SP8: variants seen among roughly 807,000 people sequenced by gnomAD.
SP8 encodes the protein Sp8 transcription factor.
Under a neutral mutation model 15.3 loss-of-function variants are expected in SP8, and 7 were observed. The observed-to-expected ratio is 0.46, with a 90% CI of 0.26 to 0.86. The LOEUF (loss-of-function observed/expected upper bound fraction) is 0.86, where lower values mean the gene tolerates loss of function less well. SP8 is among the 40% of genes least tolerant of loss of function. The pLI, the probability that SP8 is intolerant of heterozygous loss-of-function variation, is 0.16. For missense variants in SP8, 731 were observed against 736.4 expected (o/e 0.99, Z 0.09); for synonymous variants, 415 against 356.3 (o/e 1.16, Z -1.86).
chr7:20,783,245 G>C lies in SP8; in HGVS notation c.*1045C>G, dbSNP rs1170802367. On this transcript the variant is annotated 3_prime_UTR_variant, in exon 2 of 2. Transcript: ENST00000418710. ...AAAAAGATTGGGAGGTTATGTTTGGGAGTGGTGAAAAAACGAGGTAGAAAA... is the reference window on the plus strand; with the variant it reads ...AAAAAGATTGGGAGGTTATGTTTGGCAGTGGTGAAAAAACGAGGTAGAAAA... The C allele has an allele frequency of 1.3e-5, 2 of 152,552 alleles. No homozygotes were observed. Among genetic ancestry groups the C allele is most frequent in the Non-Finnish European group, 2.9e-5 (2 of 68,030 alleles). The allele number at this position is 152,552 out of a possible 1,614,324, so 9.4% of individuals were successfully genotyped here. A position where few individuals can be genotyped will look rare whatever the true frequency, so the allele number is the denominator to read the frequency against.
At position 20,784,812 on chromosome 7, in the gene SP8, G is replaced by A. The variant is rs1197257333; in HGVS notation, c.1005C>T (p.Gly335=). The change falls in exon 2 of 2, where the codon GGC becomes GGT. Residue 335 remains glycine, a synonymous_variant. Transcript: ENST00000418710. ...AGCGGCGAGCTGAGGAGCGCGGGGA[G>A]CCCCCCAGCGGCGCCGAAGGCCCAG... ...LSAGPSAPLG[G]SPRSSARRYS... 1.3e-5 allele frequency: 20 copies of A among 1,527,884 alleles called. No individual in the cohort carries two copies. Among genetic ancestry groups the A allele is most frequent in the Non-Finnish European group, 1.7e-5 (20 of 1,144,148 alleles). 94.6% of individuals were successfully genotyped at this position (1,527,884 alleles called of 1,614,324 possible).
In SP8 at chr7:20,784,264, G is replaced by A; in HGVS notation, c.*26C>T. ...AGAGGACTTGGTGGGAGGAGGTCGGGGAGAGGGGCGGGCGCAGGGTGGGCG... is the reference window on the plus strand; with the variant it reads ...AGAGGACTTGGTGGGAGGAGGTCGGAGAGAGGGGCGGGCGCAGGGTGGGCG... On this transcript the variant is annotated 3_prime_UTR_variant, in exon 2 of 2. Coordinates refer to ENST00000418710, the MANE Select transcript of SP8 (RefSeq NM_182700.6). The A allele has an allele frequency of 1.4e-6, 2 of 1,442,688 alleles. No individual in the cohort carries two copies. The highest frequency in any genetic ancestry group is 1.8e-6 in the Non-Finnish European group (2 of 1,102,904). 89.4% of individuals were successfully genotyped at this position (1,442,688 alleles called of 1,614,324 possible).
chr7:20,785,634 G>A lies in SP8; in HGVS notation c.183C>T (p.Ser61=). 1 of 1,613,572 alleles carries A rather than the reference G, an allele frequency of 6.2e-7. No homozygotes were observed. The highest frequency in any genetic ancestry group is 8.5e-7 in the Non-Finnish European group (1 of 1,179,858). Reference sequence around the variant, plus strand: ...AGAGACTGGAACCCACTACGTTGCAGCTGGCGGAAGAAGAGGACGAGGAGC... The same window carrying A: ...AGAGACTGGAACCCACTACGTTGCAACTGGCGGAAGAAGAGGACGAGGAGC... ...WKRSSSSSSA[S]CNVVGSSLSS... The change falls in exon 2 of 2, where the codon AGC becomes AGT. Residue 61 remains serine (S), a synonymous_variant. Coordinates refer to ENST00000418710, the MANE Select transcript of SP8 (RefSeq NM_182700.6). The surrounding 1 kb of genome is among the most constrained non-coding windows in gnomAD (Gnocchi z 7.2).
Position 20,785,558 on chromosome 7 carries a change from C to T in SP8, c.259G>A (p.Ala87Thr). The change falls in exon 2 of 2, where the codon GCT becomes ACT. Residue 87 changes from alanine to threonine, a missense_variant. Around this residue, in one of 3 missense-constraint regions of SP8, gnomAD observed 586 missense variants for 524.9 expected, o/e 1.12. Coordinates refer to ENST00000418710, the MANE Select transcript of SP8 (RefSeq NM_182700.6). This position sits in a 1 kb window ranked among gnomAD's most constrained non-coding sequence, Gnocchi z 7.2. ...GCGGCTGCTGCCGCGGCCGCCGCAG[C>T]CGCCGAGGACGAGCCGCCGTTCCTG... is the stretch of plus-strand genomic sequence containing the variant. ...ASRNGGSSSA[A>T]AAAAAAAAAA... 6.4e-7 allele frequency: 1 copy of T among 1,566,262 alleles called. No individual in the cohort carries two copies. Among genetic ancestry groups the T allele is most frequent in the South Asian group, 1.2e-5 (1 of 86,772 alleles).
Position 20,784,686 on chromosome 7 carries a change from G to A in SP8, c.1131C>T (p.His377=). The change falls in exon 2 of 2, where the codon CAC becomes CAT. Residue 377 remains histidine (H), a synonymous_variant. Coordinates refer to ENST00000418710, the MANE Select transcript of SP8 (RefSeq NM_182700.6). ...SLRRKGLHSC[H]IPGCGKVYGK... ...CGTACACCTTGCCGCAGCCCGGGAT[G>A]TGGCAGCTGTGCAGGCCCTTGCGCC... The A allele has an allele frequency of 6.2e-7, 1 of 1,608,192 alleles. No individual in the cohort carries two copies. Among genetic ancestry groups the A allele is most frequent in the Non-Finnish European group, 8.5e-7 (1 of 1,178,648 alleles).
In SP8 at chr7:20,785,334, G is replaced by GAGTCGGACA; in HGVS notation, c.482_483insTGTCCGACT (p.Gly161_Gly162insValArgLeu). ...AGTGCGCGGAGGAGCCGCCGCCGCCGCCCCCGCCGCCGCCGCCGCTGCCCC... is the reference window on the plus strand; with the variant it reads ...AGTGCGCGGAGGAGCCGCCGCCGCCGAGTCGGACACCCCCGCCGCCGCCGCCGCTGCCCC... On this transcript the variant is annotated inframe_insertion, in exon 2 of 2. Coordinates refer to ENST00000418710, the MANE Select transcript of SP8 (RefSeq NM_182700.6). The surrounding 1 kb of genome is among the most constrained non-coding windows in gnomAD (Gnocchi z 7.2). The GAGTCGGACA allele has an allele frequency of 1.5e-6, 2 of 1,324,616 alleles. No individual in the cohort carries two copies. Among genetic ancestry groups the GAGTCGGACA allele is most frequent in the Non-Finnish European group, 1.0e-6 (1 of 982,370 alleles). The allele number at this position is 1,324,616 out of a possible 1,614,324, so 82.1% of individuals were successfully genotyped here.
Position 20,784,846 on chromosome 7 carries a change from A to G in SP8, c.971T>C (p.Met324Thr). The G allele has an allele frequency of 6.6e-7, 1 of 1,525,798 alleles. No individual in the cohort carries two copies. The allele number at this position is 1,525,798 out of a possible 1,614,324, so 94.5% of individuals were successfully genotyped here. A position where few individuals can be genotyped will look rare whatever the true frequency, so the allele number is the denominator to read the frequency against. The change falls in exon 2 of 2, where the codon ATG (methionine) becomes ACG (threonine). Residue 324 changes from methionine (M) to threonine (T), a missense_variant. Coordinates refer to ENST00000418710, the MANE Select transcript of SP8 (RefSeq NM_182700.6). Reference sequence around the variant, plus strand: ...CGGCGCCGAAGGCCCAGCGCTCAACATGGAGCCCCCCGCGCCGGCCAGCGG... The same window carrying G: ...CGGCGCCGAAGGCCCAGCGCTCAACGTGGAGCCCCCCGCGCCGGCCAGCGG... ...PSPLAGAGGS[M>T]LSAGPSAPLG...
At position 20,785,199 on chromosome 7, in the gene SP8, C is replaced by G. The variant is rs1335463860; in HGVS notation, c.618G>C (p.Trp206Cys). Reference protein sequence around the residue: ...RVGMAHPYESWFKPSHPGLGA... With the variant: ...RVGMAHPYESCFKPSHPGLGA... ...CCAGGCCCGGGTGCGAGGGCTTAAA[C>G]CACGACTCGTACGGGTGCGCCATGC... Residue 206 changes from tryptophan (W) to cysteine (C), a missense_variant, in exon 2 of 2, where the codon TGG (tryptophan) becomes TGC (cysteine). Transcript: ENST00000418710. This position sits in a 1 kb window ranked among gnomAD's most constrained non-coding sequence, Gnocchi z 7.2. 3 of 1,601,172 alleles carry G rather than the reference C, an allele frequency of 1.9e-6. No homozygotes were observed. The highest frequency in any genetic ancestry group is 2.6e-6 in the Non-Finnish European group (3 of 1,175,364).
Position 20,786,117 on chromosome 7 carries a change from A to G in SP8, c.22-322T>C. On this transcript the variant is annotated intron_variant, in intron 1 of 1. Coordinates refer to ENST00000418710, the MANE Select transcript of SP8 (RefSeq NM_182700.6). This position sits in a 1 kb window ranked among gnomAD's most constrained non-coding sequence, Gnocchi z 4.4. ...CACACAAAGCCCCAGACACTTCGTA[A>G]CAAACAAGCAAAAAGTCCAGATTGG... 1 of 887,454 alleles carries G rather than the reference A, an allele frequency of 1.1e-6. No individual in the cohort carries two copies. The highest frequency in any genetic ancestry group is 5.8e-5 in the East Asian group (1 of 17,106). The allele number at this position is 887,454 out of a possible 1,614,324, so 55.0% of individuals were successfully genotyped here.
chr7:20,784,220 T>G lies in SP8; in HGVS notation c.*70A>C. The G allele has an allele frequency of 7.7e-7, 1 of 1,306,184 alleles. No individual in the cohort carries two copies. The highest frequency in any genetic ancestry group is 9.9e-7 in the Non-Finnish European group (1 of 1,011,440). The allele number at this position is 1,306,184 out of a possible 1,614,324, so 80.9% of individuals were successfully genotyped here. ...CAATAGGGAAAGGCTGGAGTTGAAG[T>G]CCGGACAGACAGGGCCCAAGAGGAC... On this transcript the variant is annotated 3_prime_UTR_variant, in exon 2 of 2. Coordinates refer to ENST00000418710, the MANE Select transcript of SP8 (RefSeq NM_182700.6).
In SP8 at chr7:20,786,155, T is replaced by A; in HGVS notation, c.22-360A>T. 4.2e-6 allele frequency: 2 copies of A among 476,930 alleles called. No homozygotes were observed. Among genetic ancestry groups the A allele is most frequent in the Non-Finnish European group, 5.7e-6 (2 of 349,750 alleles). 29.5% of individuals were successfully genotyped at this position (476,930 alleles called of 1,614,324 possible). On this transcript the variant is annotated intron_variant, in intron 1 of 1. Transcript: ENST00000418710. This position sits in a 1 kb window ranked among gnomAD's most constrained non-coding sequence, Gnocchi z 4.4. The stretch of plus-strand genomic sequence containing the variant: ...AAGTCCAGATTGGAGAGGAAGGAAG[T>A]TTTCTTTGCCGAGAAGCCTGGGGGA...
Position 20,785,505 on chromosome 7 carries a change from C to A in SP8, c.312G>T (p.Ser104=), listed in dbSNP as rs1166897554. ...AAAAAALVSD[S]FSCGGSPGSS... is the part of the protein sequence containing the mutation. The stretch of plus-strand genomic sequence containing the variant: ...AGCCAGGCGAGCCGCCGCAGCTGAA[C>A]GAGTCGGACACCAGGGCCGCGGCAG... Residue 104 remains serine (S), a synonymous_variant, in exon 2 of 2, where the codon TCG becomes TCT. Coordinates refer to ENST00000418710, the MANE Select transcript of SP8 (RefSeq NM_182700.6). The surrounding 1 kb of genome is among the most constrained non-coding windows in gnomAD (Gnocchi z 7.2). The A allele has an allele frequency of 2.1e-6, 3 of 1,447,678 alleles. No individual in the cohort carries two copies. Among genetic ancestry groups the A allele is most frequent in the South Asian group, 1.4e-5 (1 of 71,630 alleles). The allele number at this position is 1,447,678 out of a possible 1,614,324, so 89.7% of individuals were successfully genotyped here.
Position 20,784,372 on chromosome 7 carries a change from T to A in SP8, c.1445A>T (p.His482Leu). The A allele has an allele frequency of 6.6e-7, 1 of 1,525,614 alleles. No homozygotes were observed. The highest frequency in any genetic ancestry group is 8.7e-7 in the Non-Finnish European group (1 of 1,143,130). The allele number at this position is 1,525,614 out of a possible 1,614,324, so 94.5% of individuals were successfully genotyped here. ...GKKGSDTDSEHSAAGSPPCHS... is the reference protein window; with the variant it reads ...GKKGSDTDSELSAAGSPPCHS... ...GCAGGGCGGGCTGCCCGCGGCGCTG[T>A]GCTCGCTGTCGGTGTCGCTGCCCTT... Residue 482 changes from histidine to leucine, a missense_variant, in exon 2 of 2, where the codon CAC becomes CTC. Coordinates refer to ENST00000418710, the MANE Select transcript of SP8 (RefSeq NM_182700.6).
In SP8 at chr7:20,785,420, C is replaced by A. The variant is rs1414718744; in HGVS notation, c.397G>T (p.Ala133Ser). 3 of 1,319,334 alleles carry A rather than the reference C, an allele frequency of 2.3e-6. No individual in the cohort carries two copies. In the African/African-American group the frequency reaches 4.6e-5, roughly 20 times the overall value. The allele number at this position is 1,319,334 out of a possible 1,614,324, so 81.7% of individuals were successfully genotyped here. The stretch of plus-strand genomic sequence containing the variant: ...TTGGCGAAGGGCGAGCTGGAGGCGG[C>A]GGCTGCGGCGGCGGCGGCGGCGGCT... ...AAAAAAAAAA[A>S]ASSSPFANDY... Residue 133 changes from alanine to serine, a missense_variant, in exon 2 of 2, where the codon GCC (alanine) becomes TCC (serine). By Grantham distance (99) the Ala-to-Ser change is moderately conservative. Transcript: ENST00000418710. The surrounding 1 kb of genome is among the most constrained non-coding windows in gnomAD (Gnocchi z 7.2).
rs1020817241 is a variant in SP8, at chr7:20,784,750, T to C, written c.1067A>G (p.Gln356Arg). 3.8e-6 allele frequency: 6 copies of C among 1,584,072 alleles called. No individual in the cohort carries two copies. The African/African-American group carries it at 8.2e-5, about 22-fold the overall frequency. Residue 356 changes from glutamine (Q) to arginine (R), a missense_variant, in exon 2 of 2, where the codon CAG becomes CGG. Gln to Arg is a conservative substitution (Grantham distance 43, BLOSUM62 1). Transcript: ENST00000418710. ...GGCAGGGCCCAGCCGCTCTGCCTCC[T>C]GGCAGTTGGGGCAGTCGCAGGTGGC... Reference protein sequence around the residue: ...GRATCDCPNCQEAERLGPAGA... With the variant: ...GRATCDCPNCREAERLGPAGA...
chr7:20,785,253 G>A lies in SP8; in HGVS notation c.564C>T (p.Asp188=). Residue 188 remains aspartate, a synonymous_variant, in exon 2 of 2, where the codon GAC becomes GAT. Coordinates refer to ENST00000418710, the MANE Select transcript of SP8 (RefSeq NM_182700.6). The surrounding 1 kb of genome is among the most constrained non-coding windows in gnomAD (Gnocchi z 7.2). ...VFISKVHTSV[D]GLQGIYPRVG... is the part of the protein sequence containing the mutation. ...CCCGCGGGTAGATGCCCTGCAGCCC[G>A]TCCACAGAGGTGTGCACCTTGGAGA... The A allele has an allele frequency of 6.3e-7, 1 of 1,594,704 alleles. No homozygotes were observed. Among genetic ancestry groups the A allele is most frequent in the East Asian group, 2.3e-5 (1 of 43,130 alleles).
In SP8 at chr7:20,783,923, C is replaced by G. The variant is rs937881514; in HGVS notation, c.*367G>C. Reference sequence around the variant, plus strand: ...GCACTGGATTAGTCCAGCTCTACCTCCAGTGGCCGTTCCCTCTAAAAGTTA... The same window carrying G: ...GCACTGGATTAGTCCAGCTCTACCTGCAGTGGCCGTTCCCTCTAAAAGTTA... On this transcript the variant is annotated 3_prime_UTR_variant, in exon 2 of 2. Coordinates refer to ENST00000418710, the MANE Select transcript of SP8 (RefSeq NM_182700.6). The G allele has an allele frequency of 6.2e-4, 54 of 86,442 alleles. No homozygotes were observed. The highest frequency in any genetic ancestry group is 1.8e-3 in the African/African-American group (5 of 2,828). 5.4% of individuals were successfully genotyped at this position (86,442 alleles called of 1,614,324 possible).
rs749540358 is a variant in SP8, at chr7:20,786,819, C to A, written c.-21G>T. ...GCCATCACACAAAAGTGCCCTCCTC[C>A]TCTCAGAGGATCTTTTTTATATTGA... On this transcript the variant is annotated 5_prime_UTR_variant, in exon 1 of 2. In the 5' UTR this introduces an upstream ATG that the reference lacks. Coordinates refer to ENST00000418710, the MANE Select transcript of SP8 (RefSeq NM_182700.6). This position sits in a 1 kb window ranked among gnomAD's most constrained non-coding sequence, Gnocchi z 4.4. 1 of 1,603,248 alleles carries A rather than the reference C, an allele frequency of 6.2e-7. No homozygotes were observed. Among genetic ancestry groups the A allele is most frequent in the Non-Finnish European group, 8.5e-7 (1 of 1,170,056 alleles).
chr7:20,785,667 G>A lies in SP8; in HGVS notation c.150C>T (p.Pro50=), dbSNP rs1783656586. The A allele has an allele frequency of 6.2e-7, 1 of 1,613,868 alleles. No homozygotes were observed. The highest frequency in any genetic ancestry group is 1.7e-5 in the Admixed American group (1 of 60,002). Reference sequence around the variant, plus strand: ...AAGAAGAGGACGAGGAGCGTTTCCAGGGGTGGAAGCCTTTGCCGAAGGAAG... The same window carrying A: ...AAGAAGAGGACGAGGAGCGTTTCCAAGGGTGGAAGCCTTTGCCGAAGGAAG... ...SSSSFGKGFH[P]WKRSSSSSSA... Residue 50 remains proline, a synonymous_variant, in exon 2 of 2, where the codon CCC becomes CCT. Coordinates refer to ENST00000418710, the MANE Select transcript of SP8 (RefSeq NM_182700.6). This position sits in a 1 kb window ranked among gnomAD's most constrained non-coding sequence, Gnocchi z 7.2.
Sources: gnomAD v4.1 joint callset for allele counts on GRCh38, gnomAD v4.1.1 for gene constraint, gnomAD v4.1.1 regional missense constraint, Gnocchi (gnomAD v3.1) non-coding constraint, MANE v1.5 for transcripts, NCBI Gene and HGNC (gene_info 2026-07-23, HGNC 2026-07-21) for gene names.